WDR12: variants seen among roughly 807,000 people sequenced by gnomAD.
WDR12 encodes ribosome biogenesis protein WDR12.
In WDR12, 42 loss-of-function variants were observed where a neutral mutation model predicts 64.3. The observed-to-expected ratio is 0.65, with a 90% CI of 0.51 to 0.84. The LOEUF (loss-of-function observed/expected upper bound fraction) is 0.84, where lower values mean the gene tolerates loss of function less well. WDR12 is among the 40% of genes least tolerant of loss of function. WDR12 has a pLI of 0.00. For missense variants in WDR12, 469 were observed against 494.6 expected, an observed-to-expected ratio of 0.95 and a Z score of 0.49; for synonymous variants, 158 against 173.3, an observed-to-expected ratio of 0.91 and a Z score of 0.70.
At chr2:202,881,090 G>C (rs766200791) in intron 12 of WDR12, among the ~76,000 whole-genome samples, 153 bp from the exon 13 acceptor site, 2 of 152,156 alleles carry the variant, frequency 1.3e-5, no homozygotes, top group Admixed American at 6.5e-5. Flanking sequence ...AGGGACCAAC[G>C]TTGTTTCACT....
chr2:202,892,904 CAT>C (rs1232944793), intron 7 of WDR12, among the ~76,000 whole-genome samples: 1 of 151,926 alleles, frequency 6.6e-6, no homozygotes, highest in Non-Finnish European at 1.5e-5. Context: ...AAAAATAAAA[CAT>C]AAACTATATT....
At chr2:202,901,619 T>G (rs948612023) in intron 2 of WDR12, among the ~76,000 whole-genome samples, 5 of 152,226 alleles carry the variant, frequency 3.3e-5, no homozygotes, top group Non-Finnish European at 7.4e-5. Context: ...AAAATCAGCA[T>G]CCATAATCCA....
At chr2:202,882,681 C>T (rs778068353) in intron 12 of WDR12, 30 bp downstream of exon 12, 1 of 1,593,372 alleles carries the variant, frequency 6.3e-7, no homozygotes, top group South Asian at 1.1e-5. Context: ...AGTCACTTTC[C>T]TCTTCATCAA....
chr2:202,909,695 C>T (rs1310052929), intron 1 of WDR12, among the ~76,000 whole-genome samples: 1 of 151,844 alleles, frequency 6.6e-6, no homozygotes, highest in African/African-American at 2.4e-5. Context: ...TATGTATATT[C>T]TTGTGTGTGT....
At chr2:202,907,268 A>AT (rs1161322857) in intron 2 of WDR12, among the ~76,000 whole-genome samples, 2 of 152,154 alleles carry the variant, frequency 1.3e-5, no homozygotes, top group Admixed American at 6.5e-5. Flanking sequence ...TTTCATTGAT[A>AT]TTTTTACATA....
At chr2:202,882,576 C>T (rs1401414140) in intron 12 of WDR12, 135 bp downstream of exon 12, 3 of 763,428 alleles carry the variant, frequency 3.9e-6, no homozygotes, top group Non-Finnish European at 6.5e-6. Context: ...GATCTGCCCA[C>T]CTTGGCCTCC....
intron 2 of WDR12, among the ~76,000 whole-genome samples, chr2:202,903,497 A>G (rs1010672351): frequency 9.8e-5 from 6 of 61,418 alleles, no homozygotes; most frequent in East Asian, 7.7e-4. Flanking sequence ...GGAAGGAAGG[A>G]AGGAAGTGAG....
chr2:202,882,848 C>A, intron 11 of WDR12, 65 bp from the exon 12 acceptor site: 1 of 1,511,854 alleles, frequency 6.6e-7, no homozygotes, highest in South Asian at 1.1e-5. Context: ...TTTGAATAAT[C>A]ACTTATACTT....
intron 6 of WDR12, 68 bp from the exon 7 acceptor site, chr2:202,894,694 G>T: frequency 7.5e-7 from 1 of 1,332,166 alleles, no homozygotes; most frequent in Non-Finnish European, 1.0e-6. Context: ...TACAACAGTA[G>T]GTCTCTTCCT....
chr2:202,905,415 T>C (rs1688435978), intron 2 of WDR12, among the ~76,000 whole-genome samples: 1 of 152,216 alleles, frequency 6.6e-6, no homozygotes, highest in Non-Finnish European at 1.5e-5. Flanking sequence ...AGTGCTGGGA[T>C]TACAGGCGTG....
chr2:202,905,300 C>T (rs1688433843), intron 2 of WDR12, among the ~76,000 whole-genome samples: 1 of 152,228 alleles, frequency 6.6e-6, no homozygotes, highest in African/African-American at 2.4e-5. Flanking sequence ...CACCTGCCAC[C>T]ATGCCTGGCT....
At chr2:202,893,242 G>A (rs1392755984) in intron 7 of WDR12, among the ~76,000 whole-genome samples, 1 of 151,852 alleles carries the variant, frequency 6.6e-6, no homozygotes, top group African/African-American at 2.4e-5. Context: ...CATTAAATAT[G>A]TAATGTATGT....
At chr2:202,910,930 G>C (rs912524980) in intron 1 of WDR12, among the ~76,000 whole-genome samples, 5 of 152,072 alleles carry the variant, frequency 3.3e-5, no homozygotes, top group African/African-American at 1.2e-4. Flanking sequence ...TTAATATATA[G>C]TCCCTGCCCT....
At chr2:202,908,261 C>T (rs72936838) in intron 1 of WDR12, among the ~76,000 whole-genome samples, 13,545 of 152,204 alleles carry the variant, frequency 0.089, 743 homozygotes, top group Non-Finnish European at 0.12. Context: ...GGGCCAGAAA[C>T]GATCCACAGA....
rs763539422 is a variant in WDR12, at chr2:202,875,923, G to A, written c.*4937C>T. The A allele has an allele frequency of 5.3e-5, 8 of 152,164 alleles. No homozygotes were observed. The highest frequency in any genetic ancestry group is 1.2e-4 in the Non-Finnish European group (8 of 68,034). 9.4% of individuals were successfully genotyped at this position (152,164 alleles called of 1,614,324 possible). On this transcript the variant is annotated 3_prime_UTR_variant, in exon 13 of 13. Transcript: ENST00000261015. ...AAATGCAAATAATTTATTACCTATAGAGGATTATTATGGTAGGATATAGTT... is the reference window on the plus strand; with the variant it reads ...AAATGCAAATAATTTATTACCTATAAAGGATTATTATGGTAGGATATAGTT...
In WDR12 at chr2:202,896,152, T is replaced by C. The variant is rs1233309705; in HGVS notation, c.522A>G (p.Val174=). The stretch of plus-strand genomic sequence containing the variant: ...GTAGGGCTTTCACTTTGTTTCTCTC[T>C]ACATTCCACTCCCATAAGAGAATAG... ...DQTILLWEWN[V]ERNKVKALHC... is the part of the protein sequence containing the mutation. The change falls in exon 6 of 13, where the codon GTA becomes GTG. Residue 174 remains valine, a synonymous_variant. Transcript: ENST00000261015. The C allele has an allele frequency of 6.2e-7, 1 of 1,614,124 alleles. No homozygotes were observed. Among genetic ancestry groups the C allele is most frequent in the East Asian group, 2.2e-5 (1 of 44,860 alleles).
Position 202,897,398 on chromosome 2 carries a change from T to C in WDR12, c.356A>G (p.Tyr119Cys), listed in dbSNP as rs1688267254. 2 of 1,579,230 alleles carry C rather than the reference T, an allele frequency of 1.3e-6. No homozygotes were observed. The highest frequency in any genetic ancestry group is 1.9e-5 in the Admixed American group (1 of 52,308). The part of the protein sequence containing the change: ...GAEEWILTGS[Y>C]DKTSRIWSLE... ...GGACCAGATCCGAGAAGTCTTATCATAAGAACCAGTCAAGATCCTATGAGA... is the reference window on the plus strand; with the variant it reads ...GGACCAGATCCGAGAAGTCTTATCACAAGAACCAGTCAAGATCCTATGAGA... The change falls in exon 5 of 13, where the codon TAT becomes TGT. Residue 119 changes from tyrosine to cysteine, a missense_variant. Tyr to Cys is a radical substitution (Grantham distance 194, BLOSUM62 -2). Transcript: ENST00000261015.
intron 6 of WDR12, among the ~76,000 whole-genome samples, chr2:202,895,553 C>G (rs896887378): frequency 7.6e-6 from 1 of 132,354 alleles, no homozygotes; most frequent in South Asian, 2.5e-4. Flanking sequence ...CTGAGTTTCA[C>G]TCTTGTTGGG....
intron 8 of WDR12, among the ~76,000 whole-genome samples, chr2:202,884,933 G>A (rs1688020708): frequency 6.6e-6 from 1 of 152,146 alleles, no homozygotes; most frequent in East Asian, 1.9e-4. Flanking sequence ...CAATGGCCTT[G>A]GACTGATGGA....
Sources: gnomAD v4.1 joint callset for allele counts (sites outside exome capture counted in the v4.1 genomes callset) on GRCh38, gnomAD v4.1.1 for gene constraint, MANE v1.5 for transcripts, NCBI Gene and HGNC (gene_info 2026-07-23, HGNC 2026-07-21) for gene names.